Variants in TNKS observed in about 807,000 individuals in gnomAD.
TNKS encodes poly [ADP-ribose] polymerase tankyrase-1.
Under a neutral mutation model 135.8 loss-of-function variants are expected in TNKS, and 72 were observed. The observed-to-expected ratio is 0.53, with a 90% CI of 0.44 to 0.64. The LOEUF (loss-of-function observed/expected upper bound fraction) is 0.64, where lower values mean the gene tolerates loss of function less well. TNKS is among the 30% of genes least tolerant of loss of function. The pLI is 0.00. For missense variants in TNKS, 1,769 were observed against 1,674.0 expected (o/e 1.06, Z -0.99); for synonymous variants, 849 against 649.3 (o/e 1.31, Z -4.68).
chr8:9,587,393 C>G (rs1018124785), intron 2 of TNKS, among the ~76,000 whole-genome samples: 2 of 148,872 alleles, frequency 1.3e-5, no homozygotes, highest in Non-Finnish European at 1.5e-5. Flanking sequence ...TTGCCGACAC[C>G]TTGATTTTTT....
intron 2 of TNKS, among the ~76,000 whole-genome samples, chr8:9,606,295 T>G (rs28437757): frequency 3.0e-4 from 45 of 151,176 alleles, no homozygotes; most frequent in Non-Finnish European, 6.2e-4. Context: ...ATTTATGAGC[T>G]GTCTTCTGTT....
chr8:9,675,221 A>G (rs1012454863), intron 3 of TNKS, among the ~76,000 whole-genome samples: 1 of 152,234 alleles, frequency 6.6e-6, no homozygotes, highest in African/African-American at 2.4e-5. Context: ...TGAAAACATG[A>G]TGGAATATAT....
intron 3 of TNKS, 100 bp from the exon 4 acceptor site, chr8:9,679,851 T>C: frequency 9.8e-7 from 1 of 1,021,136 alleles, no homozygotes; most frequent in African/African-American, 1.6e-5. Context: ...GGACTCTCTT[T>C]TTCTGTTCTT....
At chr8:9,584,295 A>G (rs1054873103) in intron 2 of TNKS, among the ~76,000 whole-genome samples, 1 of 151,852 alleles carries the variant, frequency 6.6e-6, no homozygotes, top group Non-Finnish European at 1.5e-5. Flanking sequence ...CCTTGCTGAG[A>G]GGAATGCGGA....
At chr8:9,768,109 A>G (rs1335975108) in intron 25 of TNKS, among the ~76,000 whole-genome samples, 1 of 152,164 alleles carries the variant, frequency 6.6e-6, no homozygotes, top group Non-Finnish European at 1.5e-5. Flanking sequence ...GTGAACCTCA[A>G]TGAAAATTAA....
chr8:9,699,334 GGT>G (rs1310932233), intron 5 of TNKS, among the ~76,000 whole-genome samples: 2 of 152,108 alleles, frequency 1.3e-5, no homozygotes, highest in African/African-American at 4.8e-5. Flanking sequence ...TTAGTCCTAG[GGT>G]GTGTGATTTT....
intron 2 of TNKS, among the ~76,000 whole-genome samples, chr8:9,613,278 C>T (rs1297608302): frequency 6.6e-6 from 1 of 152,164 alleles, no homozygotes; most frequent in Admixed American, 6.5e-5. Context: ...GTTGAGAGTA[C>T]ACATTTTAAC....
At chr8:9,711,448 T>C (rs1159651199) in intron 11 of TNKS, among the ~76,000 whole-genome samples, 1 of 152,228 alleles carries the variant, frequency 6.6e-6, no homozygotes, top group Non-Finnish European at 1.5e-5. Flanking sequence ...TTATCCTAAA[T>C]GGTAGAACTT....
intron 5 of TNKS, among the ~76,000 whole-genome samples, chr8:9,681,361 T>C (rs1361474642): frequency 6.6e-6 from 1 of 152,174 alleles, no homozygotes; most frequent in African/African-American, 2.4e-5. Flanking sequence ...TATATTAATA[T>C]GCAGTTGCCA....
At chr8:9,766,841 G>T (rs1010793017) in intron 25 of TNKS, among the ~76,000 whole-genome samples, 1 of 152,090 alleles carries the variant, frequency 6.6e-6, no homozygotes. Flanking sequence ...CTTGCATCCC[G>T]GTAAATCCCG....
intron 2 of TNKS, among the ~76,000 whole-genome samples, chr8:9,610,744 A>C (rs1799432164): frequency 1.3e-5 from 2 of 152,158 alleles, no homozygotes; most frequent in African/African-American, 4.8e-5. Flanking sequence ...CTGATAATTT[A>C]CTCTAAAAAG....
At chr8:9,633,076 A>T (rs935200848) in intron 3 of TNKS, among the ~76,000 whole-genome samples, 3 of 150,872 alleles carry the variant, frequency 2.0e-5, no homozygotes, top group African/African-American at 7.3e-5. Flanking sequence ...TTTTGGCATT[A>T]TGGAAAATGG....
intron 11 of TNKS, among the ~76,000 whole-genome samples, chr8:9,716,831 T>G (rs1563187526): frequency 6.6e-6 from 1 of 151,788 alleles, no homozygotes; most frequent in Non-Finnish European, 1.5e-5. Context: ...AATGTGGTCT[T>G]TTACAACCCA....
At chr8:9,596,806 G>C (rs1798806650) in intron 2 of TNKS, among the ~76,000 whole-genome samples, 3 of 152,204 alleles carry the variant, frequency 2.0e-5, no homozygotes, top group African/African-American at 4.8e-5. Flanking sequence ...ACACAGGTTT[G>C]AGTGCTGGTC....
At position 9,752,679 on chromosome 8, in the gene TNKS, C is replaced by G. The variant is rs975366688; in HGVS notation, c.3153+53C>G. ...ATTTAAATTAAATACTAAGATTAGG[C>G]TGGATGCAGTGGTTCACACCTTACT... On this transcript the variant is annotated intron_variant, in intron 20 of 26. Coordinates refer to ENST00000310430, the MANE Select transcript of TNKS (RefSeq NM_003747.3). 2.4e-6 allele frequency: 3 copies of G among 1,261,794 alleles called. No individual in the cohort carries two copies. In the African/African-American group the frequency reaches 4.5e-5, roughly 19 times the overall value. 78.2% of individuals were successfully genotyped at this position (1,261,794 alleles called of 1,614,324 possible). A position where few individuals can be genotyped will look rare whatever the true frequency, so the allele number is the denominator to read the frequency against.
chr8:9,708,145 C>A (rs1804139633), intron 8 of TNKS, among the ~76,000 whole-genome samples: 1 of 152,066 alleles, frequency 6.6e-6, no homozygotes, highest in African/African-American at 2.4e-5. Flanking sequence ...ATAGGTGTAT[C>A]TTTATGACTC....
In TNKS at chr8:9,615,420, T is replaced by C. The variant is rs1426156253; in HGVS notation, c.899-162T>C. ...CAACTTCATTTCACTCTAGAGAGGC[T>C]CCTTTGCTGCAGTGCTTTTTTGCTT... On this transcript the variant is annotated intron_variant, in intron 2 of 26. Transcript: ENST00000310430. 78 of 507,388 alleles carry C rather than the reference T, an allele frequency of 1.5e-4. No homozygotes were observed. In the East Asian group the frequency reaches 2.5e-3, roughly 16 times the overall value. 31.4% of individuals were successfully genotyped at this position (507,388 alleles called of 1,614,324 possible).
At chr8:9,596,658 T>A (rs1278193104) in intron 2 of TNKS, among the ~76,000 whole-genome samples, 1 of 152,194 alleles carries the variant, frequency 6.6e-6, no homozygotes, top group Non-Finnish European at 1.5e-5. Context: ...AAAGATACAT[T>A]TATTTTGGAT....
chr8:9,635,959 C>G (rs1172507339), intron 3 of TNKS, among the ~76,000 whole-genome samples: 1 of 152,094 alleles, frequency 6.6e-6, no homozygotes, highest in Non-Finnish European at 1.5e-5. Context: ...AAAATTGGAG[C>G]ACATACTGTA....
Sources: gnomAD v4.1 joint callset for allele counts (sites outside exome capture counted in the v4.1 genomes callset) on GRCh38, gnomAD v4.1.1 for gene constraint, MANE v1.5 for transcripts, NCBI Gene and HGNC (gene_info 2026-07-23, HGNC 2026-07-21) for gene names.